Variants in INPP4B observed in about 807,000 individuals in gnomAD.
The protein encoded by INPP4B is inositol polyphosphate-4-phosphatase type II B.
INPP4B carries 55 observed loss-of-function variants against 122.5 expected under a neutral mutation model. The observed-to-expected ratio is 0.45, with a 90% CI of 0.36 to 0.56. The LOEUF is 0.56. INPP4B is among the 20% of genes least tolerant of loss of function. The pLI is 0.00. For synonymous variants in INPP4B, 403 were observed against 388.7 expected (o/e 1.04, Z -0.43); for missense variants, 1,000 against 1,097.7 (o/e 0.91, Z 1.26).
intron 3 of INPP4B, among the ~76,000 whole-genome samples, chr4:142,440,226 T>G (rs573615440): frequency 2.0e-4 from 30 of 152,248 alleles, no homozygotes; most frequent in African/African-American, 6.7e-4. Context: ...TCAGTCTTAG[T>G]AGGAGGAAAT....
chr4:142,698,303 GACAT>G (rs1220881429), intron 2 of INPP4B, among the ~76,000 whole-genome samples: 1 of 151,120 alleles, frequency 6.6e-6, no homozygotes, highest in African/African-American at 2.4e-5. Flanking sequence ...TAGAAAAAAA[GACAT>G]ACGAGATTAA....
intron 7 of INPP4B, among the ~76,000 whole-genome samples, chr4:142,390,644 A>G (rs1727721129): frequency 1.3e-5 from 2 of 152,190 alleles, no homozygotes; most frequent in Non-Finnish European, 2.9e-5. Flanking sequence ...ATAATGTTTA[A>G]TGTTCTATTT....
At chr4:142,365,493 T>C (rs1787112279) in intron 7 of INPP4B, among the ~76,000 whole-genome samples, 1 of 152,184 alleles carries the variant, frequency 6.6e-6, no homozygotes, top group Non-Finnish European at 1.5e-5. Flanking sequence ...CAGCAGTATT[T>C]AAGCTTTTAG....
chr4:142,567,202 A>G (rs1409162902), intron 2 of INPP4B, among the ~76,000 whole-genome samples: 3 of 152,212 alleles, frequency 2.0e-5, no homozygotes, highest in Non-Finnish European at 4.4e-5. Flanking sequence ...AAAGTGTTGC[A>G]TTCTGAATAA....
In INPP4B at chr4:142,028,180, C is replaced by A. The variant is rs1392983493; in HGVS notation, c.*602G>T. On this transcript the variant is annotated 3_prime_UTR_variant, in exon 26 of 26. Transcript: ENST00000262992. The stretch of plus-strand genomic sequence containing the variant: ...TGTTGACCACTTTACTCACTCCATG[C>A]ATATGCCTGTTGCAAGGGAGGAGTC... The A allele has an allele frequency of 1.3e-5, 3 of 229,006 alleles. No individual in the cohort carries two copies. Among genetic ancestry groups the A allele is most frequent in the Non-Finnish European group, 2.6e-5 (3 of 115,488 alleles). 14.2% of individuals were successfully genotyped at this position (229,006 alleles called of 1,614,324 possible). A position where few individuals can be genotyped will look rare whatever the true frequency, so the allele number is the denominator to read the frequency against.
rs191922284 is a variant in INPP4B, at chr4:142,536,921, C to T, written c.-190-74195G>A. On this transcript the variant is annotated intron_variant, in intron 2 of 25. Coordinates refer to ENST00000262992, the MANE Select transcript of INPP4B (RefSeq NM_001101669.3). ...AAGCGATTCTTCTGCCTCAGCCTCC[C>T]AAGTAGCTGGGGCTACAGGCACGTG... 1.5e-3 allele frequency among the ~76,000 whole-genome samples: 232 copies of T among 152,204 alleles called. 1 individual carries two copies. Among genetic ancestry groups the T allele is most frequent in the African/African-American group, 5.2e-3 (215 of 41,538 alleles).
intron 2 of INPP4B, among the ~76,000 whole-genome samples, chr4:142,465,963 C>A (rs1580136465): frequency 6.6e-6 from 1 of 152,142 alleles, no homozygotes; most frequent in South Asian, 2.1e-4. Context: ...TCCTATGGAA[C>A]CTACAGAACT....
At chr4:142,483,321 C>T (rs1352744453) in intron 2 of INPP4B, among the ~76,000 whole-genome samples, 1 of 148,558 alleles carries the variant, frequency 6.7e-6, no homozygotes, top group African/African-American at 2.5e-5. Context: ...GAGTGTAATT[C>T]TGTTCAGACA....
At chr4:142,266,192 A>G (rs1488547885) in intron 10 of INPP4B, among the ~76,000 whole-genome samples, 1 of 152,176 alleles carries the variant, frequency 6.6e-6, no homozygotes, top group East Asian at 1.9e-4. Context: ...TGAGTCTTAT[A>G]TAGAACTACA....
At chr4:142,407,903 AG>A (rs1223279409) in intron 5 of INPP4B, among the ~76,000 whole-genome samples, 2 of 152,206 alleles carry the variant, frequency 1.3e-5, no homozygotes, top group Non-Finnish European at 2.9e-5. Context: ...GCAAAAAAAA[AG>A]TTTACTAATA....
At chr4:142,604,267 A>G (rs180903908) in intron 2 of INPP4B, among the ~76,000 whole-genome samples, 1 of 152,246 alleles carries the variant, frequency 6.6e-6, no homozygotes, top group Admixed American at 6.5e-5. Flanking sequence ...CCCATAGCTA[A>G]CATCATGCTG....
At chr4:142,197,625 T>C (rs1331289258) in intron 14 of INPP4B, among the ~76,000 whole-genome samples, 1 of 152,124 alleles carries the variant, frequency 6.6e-6, no homozygotes, top group African/African-American at 2.4e-5. Flanking sequence ...ACAACAATGT[T>C]AATAATAATG....
At chr4:142,252,932 C>T (rs538984054) in intron 11 of INPP4B, among the ~76,000 whole-genome samples, 2 of 152,266 alleles carry the variant, frequency 1.3e-5, no homozygotes, top group African/African-American at 4.8e-5. Context: ...ATGGTGCAAA[C>T]ATCATAGAGT....
intron 10 of INPP4B, among the ~76,000 whole-genome samples, chr4:142,268,231 G>A (rs561812350): frequency 1.3e-5 from 2 of 148,638 alleles, no homozygotes; most frequent in African/African-American, 5.0e-5. Context: ...GCTGGGGCAG[G>A]AGAATGGTGT....
At position 142,451,246 on chromosome 4, in the gene INPP4B, G is replaced by GTTTTTTT. The variant is rs758479962; in HGVS notation, c.-127+11410_-127+11416dup. 4.0e-4 allele frequency among the ~76,000 whole-genome samples: 39 copies of GTTTTTTT among 97,714 alleles called. 1 individual carries two copies. The highest frequency in any genetic ancestry group is 6.1e-4 in the East Asian group (2 of 3,286). 64.1% of individuals were successfully genotyped at this position (97,714 alleles called of 152,430 possible). A position where few individuals can be genotyped will look rare whatever the true frequency, so the allele number is the denominator to read the frequency against. On this transcript the variant is annotated intron_variant, in intron 3 of 25. Transcript: ENST00000262992. Reference sequence around the variant, plus strand: ...ATAGTTTCCCTTTTTTGTTGCTGTTGTTTTTTTTTTTTTTTTTTTTTTGAG... The same window carrying GTTTTTTT: ...ATAGTTTCCCTTTTTTGTTGCTGTTGTTTTTTTTTTTTTTTTTTTTTTTTTTTTTGAG...
chr4:142,631,973 C>T (rs952039792), intron 2 of INPP4B, among the ~76,000 whole-genome samples: 69 of 152,060 alleles, frequency 4.5e-4, no homozygotes, highest in African/African-American at 1.6e-3. Flanking sequence ...CTTCCCAGAC[C>T]CAAGGGTTAT....
At chr4:142,437,088 A>G (rs1195137780) in intron 3 of INPP4B, among the ~76,000 whole-genome samples, 1 of 152,076 alleles carries the variant, frequency 6.6e-6, no homozygotes, top group Non-Finnish European at 1.5e-5. Flanking sequence ...GAGCTGAAAA[A>G]CACAGCACAA....
intron 9 of INPP4B, among the ~76,000 whole-genome samples, chr4:142,278,696 G>A (rs1470473339): frequency 6.6e-6 from 1 of 151,844 alleles, no homozygotes; most frequent in East Asian, 1.9e-4. Context: ...ACTGGTTGGA[G>A]GATCAAAAAG....
intron 2 of INPP4B, among the ~76,000 whole-genome samples, chr4:142,555,887 A>AAC (rs1188731447): frequency 1.3e-5 from 2 of 151,248 alleles, no homozygotes; most frequent in African/African-American, 4.9e-5. Flanking sequence ...AAAAAAAAAA[A>AAC]TTAAAAAGCA....
Sources: gnomAD v4.1 joint callset for allele counts (sites outside exome capture counted in the v4.1 genomes callset) on GRCh38, gnomAD v4.1.1 for gene constraint, MANE v1.5 for transcripts, NCBI Gene and HGNC (gene_info 2026-07-23, HGNC 2026-07-21) for gene names.